The following ACMSD variants were observed in gnomAD, a reference collection of about 807,000 sequenced individuals.
The protein encoded by ACMSD is aminocarboxymuconate semialdehyde decarboxylase.
A neutral mutation model predicts 45.9 loss-of-function variants in ACMSD; 37 were observed. The observed-to-expected ratio is 0.81, with a 90% confidence interval of 0.62 to 1.06. ACMSD has a LOEUF of 1.06. Among genes scored for constraint, ACMSD ranks in the 50% least tolerant of loss-of-function variants. ACMSD has a pLI of 0.00. For missense variants in ACMSD, 434 were observed against 420.9 expected, an observed-to-expected ratio of 1.03 and a Z score of -0.27; for synonymous variants, 138 against 148.8, an observed-to-expected ratio of 0.93 and a Z score of 0.53.
chr2:134,841,552 G>C (rs532331096), intron 1 of ACMSD, among the ~76,000 whole-genome samples: 14 of 152,268 alleles, frequency 9.2e-5, no homozygotes, highest in Admixed American at 4.6e-4. Context: ...TGGATTCAGG[G>C]ATACTTGATC....
chr2:134,869,357 T>C (rs1317052137), intron 6 of ACMSD, among the ~76,000 whole-genome samples: 1 of 151,934 alleles, frequency 6.6e-6, no homozygotes, highest in Non-Finnish European at 1.5e-5. Context: ...GGATTACAAG[T>C]GCACGCCACC....
intron 2 of ACMSD, among the ~76,000 whole-genome samples, chr2:134,856,281 G>T (rs1324827881): frequency 6.6e-6 from 1 of 152,278 alleles, no homozygotes; most frequent in Non-Finnish European, 1.5e-5. Flanking sequence ...GGCAGAACAA[G>T]AATTTGAATT....
chr2:134,850,084 C>A (rs1182288119), intron 2 of ACMSD, among the ~76,000 whole-genome samples: 2 of 151,062 alleles, frequency 1.3e-5, no homozygotes, highest in Non-Finnish European at 2.9e-5. Flanking sequence ...TTTGTATCCC[C>A]CGCCCCCCAA....
chr2:134,853,747 A>G (rs1028832565), intron 2 of ACMSD, among the ~76,000 whole-genome samples: 5 of 152,112 alleles, frequency 3.3e-5, no homozygotes, highest in Non-Finnish European at 5.9e-5. Context: ...ATACGGGCAC[A>G]GCTGCTCTGC....
intron 3 of ACMSD, 93 bp from the exon 4 acceptor site, chr2:134,861,876 G>A: frequency 7.3e-7 from 1 of 1,370,480 alleles, no homozygotes; most frequent in Non-Finnish European, 1.0e-6. Flanking sequence ...AGGAGTTTAG[G>A]GTGGAGGCTT....
At chr2:134,841,692 TAC>T (rs958615876) in intron 1 of ACMSD, among the ~76,000 whole-genome samples, 21 of 152,302 alleles carry the variant, frequency 1.4e-4, no homozygotes, top group Non-Finnish European at 2.9e-4. Flanking sequence ...ATGAGGATGA[TAC>T]AGTTTCAGCT....
At chr2:134,885,454 T>C (rs1180708957) in intron 8 of ACMSD, among the ~76,000 whole-genome samples, 1 of 105,734 alleles carries the variant, frequency 9.5e-6, no homozygotes, top group Non-Finnish European at 1.7e-5. Context: ...ATATAAAACA[T>C]ATGTTAGATA....
intron 3 of ACMSD, among the ~76,000 whole-genome samples, chr2:134,861,374 T>C (rs1687842135): frequency 6.6e-6 from 1 of 152,232 alleles, no homozygotes; most frequent in South Asian, 2.1e-4. Flanking sequence ...GTTGCATTCC[T>C]TGGCTGTCCC....
chr2:134,842,695 G>A (rs1248337519), intron 1 of ACMSD, among the ~76,000 whole-genome samples: 2 of 152,154 alleles, frequency 1.3e-5, no homozygotes, highest in African/African-American at 4.8e-5. Context: ...CAGGCCTGGT[G>A]TCAGCAGCTT....
chr2:134,868,497 G>C (rs1416468618), intron 6 of ACMSD, among the ~76,000 whole-genome samples: 1 of 135,118 alleles, frequency 7.4e-6, no homozygotes. Flanking sequence ...CTGTCGCCCA[G>C]ACTGGAGTAC....
At position 134,839,863 on chromosome 2, in the gene ACMSD, A is replaced by G. The variant is rs182115779; in HGVS notation, c.57+1124A>G. On this transcript the variant is annotated intron_variant, in intron 1 of 9. Coordinates refer to ENST00000356140, the MANE Select transcript of ACMSD (RefSeq NM_138326.3). The stretch of plus-strand genomic sequence containing the variant: ...TGTTCTGAGTGCTGTTGTCCTCATC[A>G]TAGTTTACTGAAGTGTAAACCACTT... 2.6e-5 allele frequency among the ~76,000 whole-genome samples: 4 copies of G among 152,236 alleles called. No homozygotes were observed. The East Asian group carries it at 7.7e-4, about 29-fold the overall frequency.
At chr2:134,866,215 C>G (rs1319757337) in intron 5 of ACMSD, among the ~76,000 whole-genome samples, 2 of 151,890 alleles carry the variant, frequency 1.3e-5, no homozygotes, top group Non-Finnish European at 2.9e-5. Context: ...TATGCCAAGC[C>G]CCTGTGACAT....
chr2:134,892,225 ATTT>A (rs58468490), intron 8 of ACMSD, among the ~76,000 whole-genome samples: 46 of 150,810 alleles, frequency 3.1e-4, no homozygotes, highest in African/African-American at 7.3e-4. Flanking sequence ...CCTTACATGT[ATTT>A]TTTTTTTAAA....
At chr2:134,856,400 G>A (rs1687581220) in intron 2 of ACMSD, among the ~76,000 whole-genome samples, 1 of 152,148 alleles carries the variant, frequency 6.6e-6, no homozygotes, top group Admixed American at 6.5e-5. Flanking sequence ...CAACCATTTA[G>A]TTTGGTCCCC....
At chr2:134,863,339 T>C in intron 4 of ACMSD, 56 bp from the exon 5 acceptor site, 2 of 1,505,258 alleles carry the variant, frequency 1.3e-6, no homozygotes, top group African/African-American at 1.4e-5. Context: ...TCAGAGTGAA[T>C]GTCTAAAAGA....
intron 5 of ACMSD, among the ~76,000 whole-genome samples, chr2:134,866,566 C>G (rs964703275): frequency 1.3e-5 from 2 of 152,134 alleles, no homozygotes; most frequent in African/African-American, 4.8e-5. Context: ...TTCCAGAATC[C>G]CTTGTTGTCC....
chr2:134,881,161 T>C (rs1689015819), intron 8 of ACMSD, among the ~76,000 whole-genome samples: 1 of 152,144 alleles, frequency 6.6e-6, no homozygotes, highest in Admixed American at 6.5e-5. Flanking sequence ...CCAGAACACC[T>C]GGCTAATTTT....
At chr2:134,894,317 TAAA>T (rs529883606) in intron 8 of ACMSD, among the ~76,000 whole-genome samples, 50 of 151,774 alleles carry the variant, frequency 3.3e-4, no homozygotes, top group Non-Finnish European at 4.6e-4. Flanking sequence ...CTTACAGAAA[TAAA>T]AAGAATTATA....
chr2:134,840,419 C>G (rs1217654294), intron 1 of ACMSD, among the ~76,000 whole-genome samples: 1 of 152,020 alleles, frequency 6.6e-6, no homozygotes, highest in African/African-American at 2.4e-5. Context: ...GAGCTACAGT[C>G]TGAATGTGTA....
Sources: gnomAD v4.1 joint callset for allele counts (sites outside exome capture counted in the v4.1 genomes callset) on GRCh38, gnomAD v4.1.1 for gene constraint, MANE v1.5 for transcripts, NCBI Gene and HGNC (gene_info 2026-07-23, HGNC 2026-07-21) for gene names.